ATP8A2: variants seen among roughly 807,000 people sequenced by gnomAD.
ATP8A2 encodes the protein phospholipid-transporting ATPase IB.
ATP8A2 carries 100 observed loss-of-function variants against 165.6 expected under a neutral mutation model. The observed-to-expected ratio is 0.60, with a 90% confidence interval of 0.51 to 0.71. The LOEUF (loss-of-function observed/expected upper bound fraction) is 0.71. ATP8A2 is among the 30% of genes least tolerant of loss of function. The probability of loss-of-function intolerance (pLI) is 0.00; values close to 1 mark genes in which losing one functional copy is unlikely to be tolerated. For missense variants in ATP8A2, 1,227 were observed against 1,479.5 expected, an observed-to-expected ratio of 0.83 and a Z score of 2.80; for synonymous variants, 543 against 548.8, an observed-to-expected ratio of 0.99 and a Z score of 0.15.
At chr13:25,978,878 T>C (rs1956119066) in intron 35 of ATP8A2, among the ~76,000 whole-genome samples, 1 of 151,628 alleles carries the variant, frequency 6.6e-6, no homozygotes, top group African/African-American at 2.4e-5. Flanking sequence ...AGGCGGAGCT[T>C]GGAGTGAGCC....
rs117709923 is a variant in ATP8A2, at chr13:25,854,175, A to G, written c.2957-6020A>G. 6.8e-3 allele frequency among the ~76,000 whole-genome samples: 1,030 copies of G among 152,204 alleles called. 6 individuals carry two copies. Among genetic ancestry groups the G allele is most frequent in the Middle Eastern group, 0.01 (3 of 294 alleles). On this transcript the variant is annotated intron_variant, in intron 30 of 36. Transcript: ENST00000381655. The stretch of plus-strand genomic sequence containing the variant: ...CTCTCGTGAACTTAAAATATGAATC[A>G]TTTGGTACCAAGTTTTCATATGTCT...
intron 35 of ATP8A2, among the ~76,000 whole-genome samples, chr13:25,972,084 C>CA (rs1301828756): frequency 4.6e-5 from 7 of 151,848 alleles, no homozygotes; most frequent in Non-Finnish European, 7.4e-5. Context: ...GGAAGTAGAA[C>CA]AAAAAAAATC....
intron 33 of ATP8A2, among the ~76,000 whole-genome samples, chr13:25,935,367 T>A (rs1954856170): frequency 6.6e-6 from 1 of 152,216 alleles, no homozygotes; most frequent in African/African-American, 2.4e-5. Context: ...GCTGGGCAGT[T>A]GATTAGATAG....
intron 27 of ATP8A2, among the ~76,000 whole-genome samples, chr13:25,823,399 A>G (rs1951229611): frequency 6.6e-6 from 1 of 152,054 alleles, no homozygotes; most frequent in South Asian, 2.1e-4. Flanking sequence ...TTTGGATTTT[A>G]TCTTTTTACC....
chr13:25,574,802 C>A lies in ATP8A2; in HGVS notation c.1663-6C>A. 1 of 1,549,430 alleles carries A rather than the reference C, an allele frequency of 6.5e-7. No homozygotes were observed. Among genetic ancestry groups the A allele is most frequent in the South Asian group, 1.1e-5 (1 of 89,372 alleles). Reference sequence around the variant, plus strand: ...CTCGGTTAAGAGCCTATTTTTCTTCCTTTAGATGGGACAGGAACAAACATT... The same window carrying A: ...CTCGGTTAAGAGCCTATTTTTCTTCATTTAGATGGGACAGGAACAAACATT... On this transcript the variant is annotated splice_polypyrimidine_tract_variant and splice_region_variant and intron_variant, in intron 18 of 36. Transcript: ENST00000381655.
chr13:25,754,743 T>C (rs1948895055), intron 25 of ATP8A2, among the ~76,000 whole-genome samples: 1 of 150,686 alleles, frequency 6.6e-6, no homozygotes, highest in African/African-American at 2.4e-5. Flanking sequence ...GTACTTCTGT[T>C]TTTTAATATA....
Position 25,629,222 on chromosome 13 carries a change from A to C in ATP8A2, c.2211+39523A>C, listed in dbSNP as rs1331202164. Among the ~76,000 whole-genome samples, 3 of 152,272 alleles carry C rather than the reference A, an allele frequency of 2.0e-5. No homozygotes were observed. In the East Asian group the frequency reaches 5.8e-4, roughly 29 times the overall value. Reference sequence around the variant, plus strand: ...TCTCAAGTAAACATATTGGCTGTTGATTGTTGTAACCTCTTCAGTCTAAGA... The same window carrying C: ...TCTCAAGTAAACATATTGGCTGTTGCTTGTTGTAACCTCTTCAGTCTAAGA... On this transcript the variant is annotated intron_variant, in intron 24 of 36. Transcript: ENST00000381655.
intron 33 of ATP8A2, among the ~76,000 whole-genome samples, chr13:25,930,968 C>G (rs1434987415): frequency 6.6e-6 from 1 of 152,204 alleles, no homozygotes; most frequent in Admixed American, 6.5e-5. Context: ...AATATGAAAA[C>G]TGCACCCACT....
intron 1 of ATP8A2, among the ~76,000 whole-genome samples, chr13:25,397,410 C>G (rs537736809): frequency 3.3e-5 from 5 of 152,300 alleles, no homozygotes; most frequent in Non-Finnish European, 5.9e-5. Context: ...CCCTTTCAGC[C>G]TGCCTACTCT....
At chr13:25,691,467 G>A (rs904556840) in intron 24 of ATP8A2, among the ~76,000 whole-genome samples, 15 of 152,074 alleles carry the variant, frequency 9.9e-5, no homozygotes, top group Admixed American at 3.3e-4. Context: ...TTTGTTTTTC[G>A]TTTTTTGGAA....
At chr13:25,619,875 C>A (rs1236568930) in intron 24 of ATP8A2, among the ~76,000 whole-genome samples, 1 of 152,048 alleles carries the variant, frequency 6.6e-6, no homozygotes, top group South Asian at 2.1e-4. Flanking sequence ...ATGTGAAAAC[C>A]GTTCTTAGAT....
chr13:25,963,250 T>C (rs576078100), intron 34 of ATP8A2, among the ~76,000 whole-genome samples: 53 of 151,474 alleles, frequency 3.5e-4, no homozygotes, highest in African/African-American at 1.2e-3. Context: ...AAAAATTAGC[T>C]GGGCGTGGTG....
chr13:25,749,627 T>C (rs2044112627), intron 25 of ATP8A2, among the ~76,000 whole-genome samples: 1 of 152,042 alleles, frequency 6.6e-6, no homozygotes, highest in Non-Finnish European at 1.5e-5. Flanking sequence ...GCTTAGGCTG[T>C]TCCTGGGGCA....
chr13:25,382,765 T>A (rs563890393), intron 1 of ATP8A2, among the ~76,000 whole-genome samples: 2 of 152,202 alleles, frequency 1.3e-5, no homozygotes, highest in Admixed American at 1.3e-4. Context: ...TGTCCTTTTT[T>A]TTTTTTTTGA....
chr13:25,666,383 G>T (rs2146575), intron 24 of ATP8A2, among the ~76,000 whole-genome samples: 139,269 of 149,000 alleles, frequency 0.93, 64,792 homozygotes, highest in Non-Finnish European at 0.99. Flanking sequence ...CTAATTTTTT[G>T]TGTGTGTGTG....
intron 27 of ATP8A2, among the ~76,000 whole-genome samples, chr13:25,822,405 G>C (rs570281759): frequency 2.0e-5 from 3 of 152,260 alleles, no homozygotes; most frequent in Non-Finnish European, 4.4e-5. Flanking sequence ...TATAGACAAT[G>C]CTATCTCACC....
intron 1 of ATP8A2, among the ~76,000 whole-genome samples, chr13:25,436,531 T>C (rs569781024): frequency 2.0e-5 from 3 of 152,336 alleles, no homozygotes; most frequent in East Asian, 1.9e-4. Flanking sequence ...TTTAGGTTGA[T>C]TCCATGTCTT....
intron 24 of ATP8A2, among the ~76,000 whole-genome samples, chr13:25,632,021 CT>C (rs988125312): frequency 6.6e-6 from 1 of 152,132 alleles, no homozygotes; most frequent in African/African-American, 2.4e-5. Context: ...GCCCCACCCC[CT>C]GACACCCCCT....
chr13:25,393,769 T>C (rs942915214), intron 1 of ATP8A2, among the ~76,000 whole-genome samples: 3 of 152,240 alleles, frequency 2.0e-5, no homozygotes, highest in African/African-American at 7.2e-5. Context: ...CTTAGGAATC[T>C]GAGGTTCATT....
Sources: allele counts gnomAD v4.1 joint callset (sites outside exome capture counted in the v4.1 genomes callset), GRCh38; gene constraint gnomAD v4.1.1; transcripts MANE v1.5; gene names NCBI Gene and HGNC (gene_info 2026-07-23, HGNC 2026-07-21).